The following GAPVD1 variants were observed in gnomAD, a reference collection of about 807,000 sequenced individuals.
GAPVD1 encodes the protein GTPase activating protein and VPS9 domains 1.
Under a neutral mutation model 155.5 loss-of-function variants are expected in GAPVD1, and 35 were observed. The ratio of observed to expected loss-of-function variants is 0.23; its 90% CI spans 0.17 to 0.30. The LOEUF (loss-of-function observed/expected upper bound fraction) is 0.30, where lower values mean the gene tolerates loss of function less well. Ranked by LOEUF, GAPVD1 falls within the 10% of genes least tolerant of loss-of-function variation. The pLI, the probability that GAPVD1 is intolerant of heterozygous loss-of-function variation, is 1.00. For synonymous variants in GAPVD1, 636 were observed against 619.7 expected, an observed-to-expected ratio of 1.03 and a Z score of -0.39; for missense variants, 1,429 against 1,775.7, an observed-to-expected ratio of 0.80 and a Z score of 3.51.
At chr9:125,312,926 T>G (rs1027856391) in intron 9 of GAPVD1, among the ~76,000 whole-genome samples, 7 of 152,094 alleles carry the variant, frequency 4.6e-5, no homozygotes, top group Non-Finnish European at 1.0e-4. Flanking sequence ...GTTCAAGCAA[T>G]TCTCCTGCCT....
intron 25 of GAPVD1, among the ~76,000 whole-genome samples, chr9:125,356,918 G>A (rs1236103630): frequency 6.6e-6 from 1 of 151,988 alleles, no homozygotes; most frequent in Non-Finnish European, 1.5e-5. Flanking sequence ...CAGATGATCC[G>A]CTCGTCTTGG....
At chr9:125,267,835 G>A (rs188674641) in intron 1 of GAPVD1, among the ~76,000 whole-genome samples, 111 of 152,200 alleles carry the variant, frequency 7.3e-4, no homozygotes, top group African/African-American at 2.6e-3. Flanking sequence ...GATTACAGGC[G>A]TGAGCCACTA....
intron 5 of GAPVD1, among the ~76,000 whole-genome samples, chr9:125,304,184 G>A (rs1240602983): frequency 1.3e-5 from 2 of 152,050 alleles, no homozygotes; most frequent in African/African-American, 4.8e-5. Context: ...TCACCCTCCT[G>A]AGTAGCTGGG....
intron 11 of GAPVD1, among the ~76,000 whole-genome samples, chr9:125,326,069 C>T (rs191370216): frequency 5.6e-4 from 85 of 152,242 alleles, no homozygotes; most frequent in African/African-American, 1.7e-3. Context: ...TGGTACGATC[C>T]GAAGCTTCAG....
Position 125,270,369 on chromosome 9 carries a change from C to T in GAPVD1, c.-150+1385C>T, listed in dbSNP as rs565496254. 2.0e-5 allele frequency among the ~76,000 whole-genome samples: 3 copies of T among 151,854 alleles called. No homozygotes were observed. In the South Asian group the frequency reaches 6.3e-4, roughly 32 times the overall value. ...GCTTGAACCTGGGAGGCAGAGTTTG[C>T]AGTGAGCTGAGATTGTGCCCCTGCA... On this transcript the variant is annotated intron_variant, in intron 2 of 27. Transcript: ENST00000297933.
chr9:125,279,637 TA>T (rs200415136), intron 2 of GAPVD1, among the ~76,000 whole-genome samples: 6 of 146,526 alleles, frequency 4.1e-5, no homozygotes, highest in African/African-American at 1.0e-4. Flanking sequence ...ATGTGCACAA[TA>T]AAAAAAAATA....
At chr9:125,330,379 C>T (rs377677583) in intron 13 of GAPVD1, among the ~76,000 whole-genome samples, 161 bp downstream of exon 13, 20 of 150,164 alleles carry the variant, frequency 1.3e-4, no homozygotes, top group African/African-American at 3.9e-4. Context: ...AGTGCTGTGG[C>T]GCGATCCCAA....
intron 4 of GAPVD1, among the ~76,000 whole-genome samples, chr9:125,300,772 T>C (rs1301262971): frequency 1.3e-5 from 2 of 152,028 alleles, no homozygotes; most frequent in Non-Finnish European, 2.9e-5. Flanking sequence ...TTGACATTTG[T>C]GCACTTTACT....
At chr9:125,264,610 A>G (rs1195159589) in intron 1 of GAPVD1, among the ~76,000 whole-genome samples, 2 of 152,126 alleles carry the variant, frequency 1.3e-5, no homozygotes, top group Admixed American at 1.3e-4. Context: ...AAATTTTTGT[A>G]TTAAGGCACC....
intron 8 of GAPVD1, 81 bp downstream of exon 8, chr9:125,307,961 C>A: frequency 1.0e-6 from 1 of 974,492 alleles, no homozygotes; most frequent in Non-Finnish European, 1.7e-6. Flanking sequence ...TGTTTTGGAA[C>A]ATATGTTTAA....
chr9:125,297,769 A>G (rs1004564137), intron 3 of GAPVD1, among the ~76,000 whole-genome samples: 16 of 152,114 alleles, frequency 1.1e-4, no homozygotes, highest in Non-Finnish European at 1.0e-4. Context: ...TTTTTGAGAT[A>G]GAGTCTCACT....
At chr9:125,354,585 G>T in intron 23 of GAPVD1, 69 bp from the exon 24 acceptor site, 1 of 1,014,346 alleles carries the variant, frequency 9.9e-7, no homozygotes, top group South Asian at 1.5e-5. Context: ...GAAAAGTTAG[G>T]ACCCTTATTC....
chr9:125,265,956 T>A (rs1588483495), intron 1 of GAPVD1, among the ~76,000 whole-genome samples: 1 of 145,468 alleles, frequency 6.9e-6, no homozygotes, highest in Non-Finnish European at 1.5e-5. Flanking sequence ...CTGCTACCGG[T>A]TACTGTTAGG....
At chr9:125,277,671 T>C (rs1836004015) in intron 2 of GAPVD1, among the ~76,000 whole-genome samples, 1 of 151,560 alleles carries the variant, frequency 6.6e-6, no homozygotes, top group Non-Finnish European at 1.5e-5. Flanking sequence ...AAGTAAAGCA[T>C]ACTATGCTTG....
chr9:125,326,352 A>G, intron 11 of GAPVD1, 64 bp from the exon 12 acceptor site: 1 of 1,157,346 alleles, frequency 8.6e-7, no homozygotes, highest in South Asian at 1.4e-5. Context: ...AAAATTCTTT[A>G]AAGTTGATTA....
At chr9:125,279,602 T>TA (rs889068530) in intron 2 of GAPVD1, among the ~76,000 whole-genome samples, 27 of 135,222 alleles carry the variant, frequency 2.0e-4, no homozygotes, top group East Asian at 4.4e-4. Flanking sequence ...AAATCAAAAA[T>TA]AAAAAAAAAA....
In GAPVD1 at chr9:125,332,597, T is replaced by C. The variant is rs1846246267; in HGVS notation, c.2396T>C (p.Val799Ala). ...CSSDFGGKDS[V>A]TSPDMDEITH... ...TCTGATTTTGGGGGTAAAGATTCTGTCACTAGTCCAGACATGGATGAAATA... is the reference window on the plus strand; with the variant it reads ...TCTGATTTTGGGGGTAAAGATTCTGCCACTAGTCCAGACATGGATGAAATA... Residue 799 changes from valine (V) to alanine (A), a missense_variant, in exon 15 of 28, where the codon GTC becomes GCC. Val to Ala is a moderately conservative substitution (Grantham distance 64). Around this residue, in one of 4 missense-constraint regions of GAPVD1, gnomAD observed 699 missense variants for 826.0 expected, o/e 0.85. Transcript: ENST00000297933. The C allele has an allele frequency of 3.1e-6, 5 of 1,610,202 alleles. No individual in the cohort carries two copies. The highest frequency in any genetic ancestry group is 4.2e-6 in the Non-Finnish European group (5 of 1,177,352).
Position 125,301,912 on chromosome 9 carries a change from G to A in GAPVD1, c.186-71G>A, listed in dbSNP as rs951041079. 2.2e-5 allele frequency: 26 copies of A among 1,183,114 alleles called. No homozygotes were observed. In the East Asian group the frequency reaches 6.8e-4, roughly 31 times the overall value. 73.3% of individuals were successfully genotyped at this position (1,183,114 alleles called of 1,614,324 possible). A position where few individuals can be genotyped will look rare whatever the true frequency, so the allele number is the denominator to read the frequency against. Reference sequence around the variant, plus strand: ...TAATCAACTCACATATCCATGTTTGGATATAGTATATGTGTTATTATTATT... The same window carrying A: ...TAATCAACTCACATATCCATGTTTGAATATAGTATATGTGTTATTATTATT... On this transcript the variant is annotated intron_variant, in intron 4 of 27. Transcript: ENST00000297933.
At chr9:125,297,220 A>G (rs1415629510) in intron 3 of GAPVD1, among the ~76,000 whole-genome samples, 2 of 152,226 alleles carry the variant, frequency 1.3e-5, no homozygotes, top group African/African-American at 4.8e-5. Context: ...CCTGCTGTGA[A>G]CTAGGCCGTC....
Sources: allele counts gnomAD v4.1 joint callset (sites outside exome capture counted in the v4.1 genomes callset), GRCh38; gene constraint gnomAD v4.1.1; regional missense constraint gnomAD v4.1.1; transcripts MANE v1.5; gene names NCBI Gene and HGNC (gene_info 2026-07-23, HGNC 2026-07-21).